PHYHD1: variants seen among roughly 807,000 people sequenced by gnomAD.
PHYHD1 encodes the protein phytanoyl-CoA dioxygenase domain-containing protein 1.
A neutral mutation model predicts 43.6 loss-of-function variants in PHYHD1; 42 were observed. That is an observed-to-expected ratio of 0.96 (90% CI 0.75 to 1.25). The LOEUF (loss-of-function observed/expected upper bound fraction) is 1.25, where lower values mean the gene tolerates loss of function less well. PHYHD1 is among the 50% of genes most tolerant of loss of function. PHYHD1 has a pLI of 0.00. For missense variants in PHYHD1, 342 were observed against 370.8 expected, an observed-to-expected ratio of 0.92 and a Z score of 0.64; for synonymous variants, 139 against 143.6, an observed-to-expected ratio of 0.97 and a Z score of 0.23.
chr9:128,934,395 T>TAA (rs57287662), intron 6 of PHYHD1, among the ~76,000 whole-genome samples: 29 of 120,636 alleles, frequency 2.4e-4, no homozygotes, highest in African/African-American at 6.7e-4. Flanking sequence ...GAAACCCTGT[T>TAA]AAAAAAAAAA....
Position 128,941,531 on chromosome 9 carries a change from C to T in PHYHD1, c.790C>T (p.Leu264Phe), listed in dbSNP as rs762470785. ...DRSRQAYTFHLMEASGTTWSP... is the reference protein window; with the variant it reads ...DRSRQAYTFHFMEASGTTWSP... ...CTCGCGCCAGGCCTACACTTTCCAC[C>T]TCATGGAGGCCTCTGGCACCACCTG... The change falls in exon 12 of 13, where the codon CTC becomes TTC. Residue 264 changes from leucine (L) to phenylalanine (F), a missense_variant. By Grantham distance (22) the Leu-to-Phe change is conservative. Coordinates refer to ENST00000372592, the MANE Select transcript of PHYHD1 (RefSeq NM_001100876.2). The T allele has an allele frequency of 6.2e-7, 1 of 1,614,164 alleles. No individual in the cohort carries two copies. Among genetic ancestry groups the T allele is most frequent in the East Asian group, 2.2e-5 (1 of 44,886 alleles).
At chr9:128,927,947 T>C (rs1018043288) in intron 4 of PHYHD1, among the ~76,000 whole-genome samples, 4 of 152,208 alleles carry the variant, frequency 2.6e-5, no homozygotes, top group Non-Finnish European at 5.9e-5. Flanking sequence ...AGTGACCGAA[T>C]AGGTCACATG....
intron 9 of PHYHD1, 183 bp downstream of exon 9, chr9:128,937,961 T>C: frequency 6.7e-7 from 1 of 1,482,154 alleles, no homozygotes; most frequent in South Asian, 1.4e-5. Flanking sequence ...AAACCTTGCG[T>C]CCTTGGCATA....
At chr9:128,931,939 A>G (rs1291173014) in intron 4 of PHYHD1, among the ~76,000 whole-genome samples, 2 of 151,422 alleles carry the variant, frequency 1.3e-5, no homozygotes, top group Non-Finnish European at 2.9e-5. Flanking sequence ...GGTTCAAGCA[A>G]TTCTCCCATC....
intron 4 of PHYHD1, among the ~76,000 whole-genome samples, chr9:128,928,586 C>T (rs373451077): frequency 4.6e-5 from 7 of 152,092 alleles, no homozygotes; most frequent in African/African-American, 1.7e-4. Flanking sequence ...ACCTGTAATC[C>T]CAGCTACTTG....
rs749625527 is a variant in PHYHD1 at position 128,926,872 on chromosome 9, C to G, written c.34-166C>G. 4 of 883,222 alleles carry G rather than the reference C, an allele frequency of 4.5e-6. No individual in the cohort carries two copies. In the Admixed American group the frequency reaches 7.9e-5, roughly 17 times the overall value. The allele number at this position is 883,222 out of a possible 1,614,324, so 54.7% of individuals were successfully genotyped here. A position where few individuals can be genotyped will look rare whatever the true frequency, so the allele number is the denominator to read the frequency against. On this transcript the variant is annotated intron_variant, in intron 3 of 12. Coordinates refer to ENST00000372592, the MANE Select transcript of PHYHD1 (RefSeq NM_001100876.2). ...CTACTTGTTCTTCCATTCAAGCAGCCAATATTGATTGCTCTTTGCTGGGTG... is the reference window on the plus strand; with the variant it reads ...CTACTTGTTCTTCCATTCAAGCAGCGAATATTGATTGCTCTTTGCTGGGTG...
chr9:128,923,929 C>T (rs1841067955), intron 3 of PHYHD1, among the ~76,000 whole-genome samples: 1 of 151,912 alleles, frequency 6.6e-6, no homozygotes, highest in South Asian at 2.1e-4. Context: ...ACTAGCCTGG[C>T]CAACATGGCG....
intron 4 of PHYHD1, among the ~76,000 whole-genome samples, chr9:128,927,555 T>C (rs1217025328): frequency 6.6e-6 from 1 of 152,162 alleles, no homozygotes; most frequent in Non-Finnish European, 1.5e-5. Context: ...TTTGTATTTT[T>C]AGTAGAGACA....
chr9:128,927,989 T>C (rs911160215), intron 4 of PHYHD1, among the ~76,000 whole-genome samples: 4 of 152,216 alleles, frequency 2.6e-5, no homozygotes, highest in Non-Finnish European at 5.9e-5. Flanking sequence ...AATGGGTAAA[T>C]TGAAGACTCT....
chr9:128,927,758 T>C (rs910928848), intron 4 of PHYHD1, among the ~76,000 whole-genome samples: 1 of 152,208 alleles, frequency 6.6e-6, no homozygotes, highest in Non-Finnish European at 1.5e-5. Context: ...TCAACCCAGA[T>C]CTGTCTGATA....
rs1841421002 is a variant in PHYHD1, at chr9:128,936,302, A to C, written c.317-146A>C. The C allele has an allele frequency of 2.7e-6, 3 of 1,124,362 alleles. No homozygotes were observed. In the East Asian group the frequency reaches 7.8e-5, roughly 29 times the overall value. The allele number at this position is 1,124,362 out of a possible 1,614,324, so 69.6% of individuals were successfully genotyped here. ...TGGGGGCAAGGCTCCTGTGGAGCCC[A>C]TTACTCAGTTGTAAACAAGCAGAAG... On this transcript the variant is annotated intron_variant, in intron 6 of 12. Transcript: ENST00000372592.
chr9:128,924,547 G>A (rs982353241), intron 3 of PHYHD1, among the ~76,000 whole-genome samples: 16 of 151,760 alleles, frequency 1.1e-4, no homozygotes, highest in African/African-American at 3.9e-4. Flanking sequence ...AGAAGTTCAA[G>A]GCTGCAATGA....
Position 128,933,823 on chromosome 9 carries a change from ATTC to A in PHYHD1, c.240_242del (p.Phe81del), listed in dbSNP as rs1424551857. 1.2e-6 allele frequency: 2 copies of A among 1,614,146 alleles called. No homozygotes were observed. The highest frequency in any genetic ancestry group is 3.3e-5 in the Admixed American group (2 of 60,006). ...TCTTGAGCAGTGGTGACAAGATTCGATTCTTCTTTGAGAAAGGCGTTTTTGATG... is the reference window on the plus strand; with the variant it reads ...TCTTGAGCAGTGGTGACAAGATTCGATTCTTTGAGAAAGGCGTTTTTGATG... On this transcript the variant is annotated inframe_deletion, in exon 5 of 13. Transcript: ENST00000372592.
chr9:128,934,396 A>T (rs1191675995), intron 6 of PHYHD1, among the ~76,000 whole-genome samples: 3 of 129,228 alleles, frequency 2.3e-5, no homozygotes, highest in Non-Finnish European at 4.8e-5. Flanking sequence ...AAACCCTGTT[A>T]AAAAAAAAAA....
intron 3 of PHYHD1, among the ~76,000 whole-genome samples, chr9:128,924,434 AAATAAAATAAAC>A (rs1306265523): frequency 6.6e-6 from 1 of 151,954 alleles, no homozygotes. Context: ...AAGTAAAATA[AAATAAAATAAAC>A]AATAAAATAA....
In PHYHD1 at chr9:128,941,623, C is replaced by T. The variant is rs370889541; in HGVS notation, c.831-45C>T. 9.3e-6 allele frequency: 15 copies of T among 1,614,072 alleles called. No homozygotes were observed. The East Asian group carries it at 3.1e-4, about 34-fold the overall frequency. ...CCGACAGTCCCCTGGAGGCTGGGAA[C>T]AGTGACCCTGCACCTCAAGGTTGTT... On this transcript the variant is annotated intron_variant, in intron 12 of 12. Coordinates refer to ENST00000372592, the MANE Select transcript of PHYHD1 (RefSeq NM_001100876.2).
chr9:128,940,489 C>T lies in PHYHD1; in HGVS notation c.578C>T (p.Ser193Phe), dbSNP rs768557664. The T allele has an allele frequency of 5.6e-6, 9 of 1,614,028 alleles. No individual in the cohort carries two copies. The highest frequency in any genetic ancestry group is 1.3e-5 in the African/African-American group (1 of 74,912). The change falls in exon 10 of 13, where the codon TCC becomes TTC. Residue 193 changes from serine (S) to phenylalanine (F), a missense_variant. Coordinates refer to ENST00000372592, the MANE Select transcript of PHYHD1 (RefSeq NM_001100876.2). ...GGCTGTCTCTGGTTCATCCCTGGCT[C>T]CCACACCAGTGAGGAACCCTGTCTC... The part of the protein sequence containing the change: ...ENGCLWFIPG[S>F]HTSGVSRRMV...
intron 3 of PHYHD1, among the ~76,000 whole-genome samples, chr9:128,926,645 G>A (rs1386266183): frequency 6.3e-5 from 8 of 126,782 alleles, no homozygotes; most frequent in African/African-American, 1.2e-4. Context: ...TGCAACCTCC[G>A]CCTCCTGGGT....
intron 8 of PHYHD1, among the ~76,000 whole-genome samples, chr9:128,937,322 G>A (rs191368881): frequency 1.5e-3 from 229 of 151,724 alleles, no homozygotes; most frequent in Non-Finnish European, 2.6e-3. Context: ...GGCCTCCCTC[G>A]GCCTTCCTCC....
Sources: gnomAD v4.1 joint callset for allele counts (sites outside exome capture counted in the v4.1 genomes callset) on GRCh38, gnomAD v4.1.1 for gene constraint, MANE v1.5 for transcripts, NCBI Gene and HGNC (gene_info 2026-07-23, HGNC 2026-07-21) for gene names.